Variants in SYCP1 observed in about 807,000 individuals in gnomAD.
The protein encoded by SYCP1 is synaptonemal complex protein 1.
SYCP1 carries 64 observed loss-of-function variants against 153.1 expected under a neutral mutation model. The ratio of observed to expected loss-of-function variants is 0.42; its 90% confidence interval spans 0.34 to 0.51. SYCP1 has a LOEUF of 0.51. SYCP1 is among the 20% of genes least tolerant of loss of function. The pLI is 0.06. For synonymous variants in SYCP1, 384 were observed against 341.8 expected (o/e 1.12, Z -1.36); for missense variants, 997 against 1,049.0 (o/e 0.95, Z 0.68).
intron 16 of SYCP1, 197 bp from the exon 17 acceptor site, chr1:114,910,200 T>C (rs1668086713): frequency 2.6e-6 from 1 of 378,830 alleles, no homozygotes; most frequent in Non-Finnish European, 4.9e-6. Context: ...ATTATTGTGT[T>C]CCAGGGCTGT....
At chr1:114,888,692 C>A (rs115582512) in intron 15 of SYCP1, among the ~76,000 whole-genome samples, 4,768 of 151,812 alleles carry the variant, frequency 0.031, 124 homozygotes, top group Non-Finnish European at 0.042. Flanking sequence ...ATTATATATA[C>A]CTATACTTAC....
chr1:114,878,869 A>G (rs903634282), intron 12 of SYCP1, among the ~76,000 whole-genome samples: 3 of 152,202 alleles, frequency 2.0e-5, no homozygotes, highest in Admixed American at 6.5e-5. Context: ...TGAACAAATC[A>G]TATGGGAGCA....
chr1:114,925,145 T>G (rs565769228), intron 21 of SYCP1, among the ~76,000 whole-genome samples: 1 of 152,102 alleles, frequency 6.6e-6, no homozygotes, highest in African/African-American at 2.4e-5. Flanking sequence ...TTTTCCTCCC[T>G]GAAAAGCTAT....
intron 27 of SYCP1, among the ~76,000 whole-genome samples, chr1:114,972,296 G>A (rs1234914003): frequency 6.6e-6 from 1 of 151,396 alleles, no homozygotes; most frequent in Non-Finnish European, 1.5e-5. Context: ...TTTATTTGAG[G>A]CCTCTCTCTT....
In SYCP1 at chr1:114,857,283, A is replaced by T; in HGVS notation, c.237+8A>T. 6.2e-7 allele frequency: 1 copy of T among 1,602,964 alleles called. No homozygotes were observed. The highest frequency in any genetic ancestry group is 8.5e-7 in the Non-Finnish European group (1 of 1,174,948). ...TTGCCCGTGCTTGAGCAGGTCAGTTAAGCATAGTACATGTAGATATAATCT... is the reference window on the plus strand; with the variant it reads ...TTGCCCGTGCTTGAGCAGGTCAGTTTAGCATAGTACATGTAGATATAATCT... On this transcript the variant is annotated splice_region_variant and intron_variant, in intron 4 of 31. Coordinates refer to ENST00000369522, the MANE Select transcript of SYCP1 (RefSeq NM_003176.4).
rs1438410395 is a variant in SYCP1 at position 114,878,157 on chromosome 1, C to G, written c.865C>G (p.Leu289Val). ...TAAAATGAAAGATTTAACATTTCTG[C>G]TAGAGGAATCCAGAGATAAAGTTAA... ...ENKMKDLTFLLEESRDKVNQL... is the reference protein window; with the variant it reads ...ENKMKDLTFLVEESRDKVNQL... Residue 289 changes from leucine to valine, a missense_variant, in exon 12 of 32, where the codon CTA becomes GTA. Physicochemically the swap from Leu to Val is conservative, Grantham distance 32 (BLOSUM62 1). This residue lies in a region of SYCP1 where 285 missense variants were observed against 366.1 expected (regional missense o/e 0.78). Coordinates refer to ENST00000369522, the MANE Select transcript of SYCP1 (RefSeq NM_003176.4). 6.3e-7 allele frequency: 1 copy of G among 1,588,614 alleles called. No homozygotes were observed.
At chr1:114,923,280 C>T (rs1669020941) in intron 20 of SYCP1, among the ~76,000 whole-genome samples, 169 bp from the exon 21 acceptor site, 1 of 151,934 alleles carries the variant, frequency 6.6e-6, no homozygotes, top group Non-Finnish European at 1.5e-5. Flanking sequence ...AGATGAATTC[C>T]ACATATTTGG....
rs1665669206 is a variant in SYCP1, at chr1:114,878,159, A to G, written c.867A>G (p.Leu289=). 2 of 1,586,376 alleles carry G rather than the reference A, an allele frequency of 1.3e-6. No individual in the cohort carries two copies. The highest frequency in any genetic ancestry group is 1.7e-5 in the Admixed American group (1 of 58,362). ...AAATGAAAGATTTAACATTTCTGCTAGAGGAATCCAGAGATAAAGTTAATC... is the reference window on the plus strand; with the variant it reads ...AAATGAAAGATTTAACATTTCTGCTGGAGGAATCCAGAGATAAAGTTAATC... ...ENKMKDLTFL[L]EESRDKVNQL... is the part of the protein sequence containing the mutation. The change falls in exon 12 of 32, where the codon CTA becomes CTG. Residue 289 remains leucine (L), a synonymous_variant. Coordinates refer to ENST00000369522, the MANE Select transcript of SYCP1 (RefSeq NM_003176.4).
intron 29 of SYCP1, among the ~76,000 whole-genome samples, chr1:114,982,036 A>G (rs528066694): frequency 6.6e-6 from 1 of 152,032 alleles, no homozygotes; most frequent in Non-Finnish European, 1.5e-5. Flanking sequence ...ACTGTCTTTC[A>G]TATAGCCACT....
intron 27 of SYCP1, among the ~76,000 whole-genome samples, chr1:114,953,938 TTAGA>T (rs1463516073): frequency 1.1e-4 from 16 of 152,234 alleles, no homozygotes; most frequent in African/African-American, 3.9e-4. Context: ...TCTCCATTTA[TTAGA>T]TATTTGATTT....
At chr1:114,857,186 A>C in intron 3 of SYCP1, 46 bp from the exon 4 acceptor site, 1 of 1,432,542 alleles carries the variant, frequency 7.0e-7, no homozygotes, top group Non-Finnish European at 9.4e-7. Context: ...AAAGAAAGAG[A>C]AAAAGATGTT....
intron 16 of SYCP1, among the ~76,000 whole-genome samples, chr1:114,909,253 T>C (rs1668019325): frequency 6.6e-6 from 1 of 152,032 alleles, no homozygotes; most frequent in Admixed American, 6.6e-5. Context: ...TTCTACCAGG[T>C]TCCTCTAGCA....
intron 16 of SYCP1, among the ~76,000 whole-genome samples, chr1:114,903,594 A>C (rs1190712595): frequency 1.3e-5 from 2 of 152,186 alleles, no homozygotes; most frequent in African/African-American, 2.4e-5. Flanking sequence ...AAATCATATC[A>C]AAGGAATTTT....
At chr1:114,976,274 G>T (rs1168983736) in intron 27 of SYCP1, among the ~76,000 whole-genome samples, 1 of 151,684 alleles carries the variant, frequency 6.6e-6, no homozygotes, top group Non-Finnish European at 1.5e-5. Flanking sequence ...TTGGTTACAA[G>T]GTTGTCATTC....
chr1:114,859,656 A>G (rs1664247464), intron 6 of SYCP1, 87 bp from the exon 7 acceptor site: 2 of 642,604 alleles, frequency 3.1e-6, no homozygotes, highest in Non-Finnish European at 2.2e-6. Context: ...ATTGTGTATT[A>G]GTAAAGAAAT....
At chr1:114,857,524 A>G (rs1284628833) in intron 5 of SYCP1, 27 bp downstream of exon 5, 15 of 1,523,740 alleles carry the variant, frequency 9.8e-6, no homozygotes, top group Non-Finnish European at 1.3e-5. Context: ...TTCATATTAA[A>G]TTTCTTGTAA....
Position 114,973,814 on chromosome 1 carries a change from T to A in SYCP1, c.2323-3743T>A, listed in dbSNP as rs528793597. 3.3e-5 allele frequency among the ~76,000 whole-genome samples: 5 copies of A among 152,070 alleles called. No homozygotes were observed. In the South Asian group the frequency reaches 1.0e-3, roughly 32 times the overall value. On this transcript the variant is annotated intron_variant, in intron 27 of 31. Coordinates refer to ENST00000369522, the MANE Select transcript of SYCP1 (RefSeq NM_003176.4). ...TTTACTGTATTATTTCAATTATGTG[T>A]ACTTCAAATTTCTTATATATTTTTT...
At chr1:114,917,170 CT>C (rs1282860984) in intron 20 of SYCP1, among the ~76,000 whole-genome samples, 1 of 152,014 alleles carries the variant, frequency 6.6e-6, no homozygotes, top group African/African-American at 2.4e-5. Flanking sequence ...CCTGGAAACC[CT>C]CTTTCTACTC....
intron 10 of SYCP1, 26 bp from the exon 11 acceptor site, chr1:114,876,711 A>G (rs942186272): frequency 1.7e-6 from 2 of 1,146,674 alleles, no homozygotes; most frequent in Non-Finnish European, 2.3e-6. Flanking sequence ...TTATGACATT[A>G]CAGTATATTT....
Sources: allele counts gnomAD v4.1 joint callset (sites outside exome capture counted in the v4.1 genomes callset), GRCh38; gene constraint gnomAD v4.1.1; regional missense constraint gnomAD v4.1.1; transcripts MANE v1.5; gene names NCBI Gene and HGNC (gene_info 2026-07-23, HGNC 2026-07-21).